PPM1L: variants seen among roughly 807,000 people sequenced by gnomAD.
PPM1L encodes the protein protein phosphatase, Mg2+/Mn2+ dependent 1L.
PPM1L carries 13 observed loss-of-function variants against 31.4 expected under a neutral mutation model. The observed-to-expected ratio is 0.41, with a 90% CI of 0.27 to 0.66. The LOEUF is 0.66. Among genes scored for constraint, PPM1L ranks in the 30% least tolerant of loss-of-function variants. The probability of loss-of-function intolerance (pLI) is 0.29; values close to 1 mark genes in which losing one functional copy is unlikely to be tolerated. For synonymous variants in PPM1L, 184 were observed against 175.4 expected, an observed-to-expected ratio of 1.05 and a Z score of -0.39; for missense variants, 326 against 453.7, an observed-to-expected ratio of 0.72 and a Z score of 2.56.
intron 1 of PPM1L, among the ~76,000 whole-genome samples, chr3:160,802,258 G>GGTCCCTGC (rs2108078687): frequency 6.6e-6 from 1 of 152,124 alleles, no homozygotes; most frequent in East Asian, 1.9e-4. Flanking sequence ...TGGGTCCCTG[G>GGTCCCTGC]GTCCCTAACC....
At chr3:161,065,641 A>G in intron 3 of PPM1L, 77 bp downstream of exon 3, 1 of 1,413,870 alleles carries the variant, frequency 7.1e-7, no homozygotes, top group Non-Finnish European at 9.8e-7. Context: ...GAGCTCCTGG[A>G]TAAAATGTCC....
intron 2 of PPM1L, among the ~76,000 whole-genome samples, chr3:160,964,274 A>T (rs1205091974): frequency 6.6e-6 from 1 of 151,730 alleles, no homozygotes; most frequent in Non-Finnish European, 1.5e-5. Flanking sequence ...CCTATTGTTG[A>T]CCAGAAGCCT....
At chr3:160,943,768 G>A (rs1044004564) in intron 1 of PPM1L, among the ~76,000 whole-genome samples, 5 of 152,072 alleles carry the variant, frequency 3.3e-5, no homozygotes, top group Admixed American at 2.6e-4. Flanking sequence ...CTATTTAATT[G>A]CCTGAATGTG....
intron 1 of PPM1L, among the ~76,000 whole-genome samples, chr3:160,807,564 A>G (rs1188870758): frequency 6.6e-6 from 1 of 152,190 alleles, no homozygotes; most frequent in Non-Finnish European, 1.5e-5. Context: ...AGACAGACAA[A>G]AACAGAACAT....
intron 1 of PPM1L, among the ~76,000 whole-genome samples, chr3:160,865,775 A>G (rs1712066902): frequency 6.6e-6 from 1 of 152,266 alleles, no homozygotes; most frequent in Admixed American, 6.5e-5. Flanking sequence ...ACTCCGTCTC[A>G]TAAATAAATA....
At chr3:161,025,195 T>G (rs2108075229) in intron 2 of PPM1L, among the ~76,000 whole-genome samples, 2 of 152,248 alleles carry the variant, frequency 1.3e-5, no homozygotes, top group South Asian at 4.1e-4. Context: ...TGTGACAGTA[T>G]CAAGAGGTGG....
rs143898071 is a variant in PPM1L, at chr3:160,757,495, G to A, written c.399+788G>A. ...GTGGTTCATCTGGAAGCAGGAGATA[G>A]CTAGAGGCCAGTTCAGTTCCCTCTC... On this transcript the variant is annotated intron_variant, in intron 1 of 3. Coordinates refer to ENST00000498165, the MANE Select transcript of PPM1L (RefSeq NM_139245.4). Among the ~76,000 whole-genome samples the A allele has an allele frequency of 7.3e-3, 1,114 of 152,364 alleles. 11 individuals carry two copies. Among genetic ancestry groups the A allele is most frequent in the African/African-American group, 0.026 (1,078 of 41,588 alleles).
At chr3:161,020,736 G>A (rs1718216008) in intron 2 of PPM1L, among the ~76,000 whole-genome samples, 1 of 152,066 alleles carries the variant, frequency 6.6e-6, no homozygotes, top group Admixed American at 6.5e-5. Flanking sequence ...CTTGTTATAG[G>A]TCTGTTGGGA....
chr3:161,066,348 AT>A (rs1412540667), intron 3 of PPM1L, among the ~76,000 whole-genome samples: 1 of 152,184 alleles, frequency 6.6e-6, no homozygotes, highest in African/African-American at 2.4e-5. Flanking sequence ...TGAAATTGGC[AT>A]GGGGGTGAGG....
chr3:160,961,628 T>C (rs1576745382), intron 1 of PPM1L, 108 bp from the exon 2 acceptor site: 1 of 827,988 alleles, frequency 1.2e-6, no homozygotes, highest in South Asian at 2.5e-5. Flanking sequence ...GTCTGGAGGG[T>C]TGGTTTCACA....
intron 1 of PPM1L, among the ~76,000 whole-genome samples, chr3:160,954,272 C>T (rs1715664286): frequency 6.6e-6 from 1 of 151,974 alleles, no homozygotes; most frequent in African/African-American, 2.4e-5. Context: ...TAAAAATCAC[C>T]CCAATTTATA....
chr3:160,823,678 A>T (rs941541497), intron 1 of PPM1L, among the ~76,000 whole-genome samples: 1 of 152,172 alleles, frequency 6.6e-6, no homozygotes, highest in Admixed American at 6.6e-5. Flanking sequence ...CATATGCCAA[A>T]TACGCTATGC....
At chr3:160,763,530 G>T (rs1315518746) in intron 1 of PPM1L, among the ~76,000 whole-genome samples, 1 of 152,218 alleles carries the variant, frequency 6.6e-6, no homozygotes, top group Admixed American at 6.5e-5. Flanking sequence ...CAGCATGCTA[G>T]GTCCCCCTGT....
chr3:160,930,811 C>T (rs1005176246), intron 1 of PPM1L, among the ~76,000 whole-genome samples: 3 of 145,020 alleles, frequency 2.1e-5, no homozygotes, highest in East Asian at 2.0e-4. Flanking sequence ...ATTTTGGTTG[C>T]GGCTGGGTTG....
At chr3:160,866,370 A>G (rs60811584) in intron 1 of PPM1L, among the ~76,000 whole-genome samples, 10,081 of 152,250 alleles carry the variant, frequency 0.066, 530 homozygotes, top group African/African-American at 0.14. Flanking sequence ...AAAGCCATAC[A>G]TAGTCCATGA....
intron 1 of PPM1L, among the ~76,000 whole-genome samples, chr3:160,896,634 G>C (rs1366636041): frequency 6.6e-6 from 1 of 152,138 alleles, no homozygotes; most frequent in South Asian, 2.1e-4. Flanking sequence ...GATACTTCAT[G>C]TTTTGTTTTC....
In PPM1L at chr3:160,872,818, T is replaced by C. The variant is rs115121405; in HGVS notation, c.400-88918T>C. ...GGCAGGCGCCTCTAGTCCCAGCCACTTGGGAATCTGGGACAGGAGAATCGC... is the reference window on the plus strand; with the variant it reads ...GGCAGGCGCCTCTAGTCCCAGCCACCTGGGAATCTGGGACAGGAGAATCGC... On this transcript the variant is annotated intron_variant, in intron 1 of 3. Coordinates refer to ENST00000498165, the MANE Select transcript of PPM1L (RefSeq NM_139245.4). Among the ~76,000 whole-genome samples, 1,002 of 152,106 alleles carry C rather than the reference T, an allele frequency of 6.6e-3. 19 individuals carry two copies. The highest frequency in any genetic ancestry group is 0.053 in the East Asian group (275 of 5,166).
At chr3:160,911,886 C>T (rs147861107) in intron 1 of PPM1L, among the ~76,000 whole-genome samples, 1 of 152,282 alleles carries the variant, frequency 6.6e-6, no homozygotes, top group Non-Finnish European at 1.5e-5. Flanking sequence ...AATGCCAATT[C>T]ATCTGCTTCT....
At chr3:161,027,388 T>C (rs1472263045) in intron 2 of PPM1L, among the ~76,000 whole-genome samples, 3 of 152,138 alleles carry the variant, frequency 2.0e-5, no homozygotes. Context: ...GGGTAATTTA[T>C]ACAGGAAAAA....
Sources: gnomAD v4.1 joint callset for allele counts (sites outside exome capture counted in the v4.1 genomes callset) on GRCh38, gnomAD v4.1.1 for gene constraint, MANE v1.5 for transcripts, NCBI Gene and HGNC (gene_info 2026-07-23, HGNC 2026-07-21) for gene names.